ZNF93: variants seen among roughly 807,000 people sequenced by gnomAD.
The protein encoded by ZNF93 is zinc finger protein 93, also known as zinc finger protein 505.
A neutral mutation model predicts 45.0 loss-of-function variants in ZNF93; 29 were observed. The ratio of observed to expected loss-of-function variants is 0.64; its 90% CI spans 0.48 to 0.88. The LOEUF (loss-of-function observed/expected upper bound fraction) is 0.88. Among genes scored for constraint, ZNF93 ranks in the 40% least tolerant of loss-of-function variants. The probability of loss-of-function intolerance (pLI) is 0.00; values close to 1 mark genes in which losing one functional copy is unlikely to be tolerated. For synonymous variants in ZNF93, 223 were observed against 244.6 expected (o/e 0.91, Z 0.82); for missense variants, 578 against 724.0 (o/e 0.80, Z 2.31).
At chr19:19,930,688 CTG>C (rs1168146812) in intron 3 of ZNF93, among the ~76,000 whole-genome samples, 4 of 152,276 alleles carry the variant, frequency 2.6e-5, no homozygotes, top group Non-Finnish European at 5.9e-5. Context: ...GCTCCTATCT[CTG>C]TATGGCCTGG....
chr19:19,909,433 T>C (rs2063301691), intron 1 of ZNF93: 1 of 152,266 alleles, frequency 6.6e-6, no homozygotes, highest in Non-Finnish European at 1.5e-5. Context: ...ACTCCTGTTA[T>C]GAAGATGTGA....
chr19:19,929,785 A>C (rs984769982), intron 3 of ZNF93, among the ~76,000 whole-genome samples: 24 of 151,304 alleles, frequency 1.6e-4, no homozygotes, highest in East Asian at 3.9e-4. Flanking sequence ...AAAAATACAA[A>C]AAATTAGCCG....
chr19:19,908,484 C>T (rs2122164300), intron 1 of ZNF93: 1 of 152,230 alleles, frequency 6.6e-6, no homozygotes, highest in East Asian at 1.9e-4. Flanking sequence ...TATTTTCTGG[C>T]TGATGATCAA....
intron 1 of ZNF93, 81 bp downstream of exon 1, chr19:19,901,172 G>C: frequency 6.3e-7 from 1 of 1,599,282 alleles, no homozygotes; most frequent in Non-Finnish European, 8.6e-7. Context: ...CGGGACTCAG[G>C]TATCCCCTTA....
chr19:19,919,264 G>C (rs1313154792), intron 3 of ZNF93, among the ~76,000 whole-genome samples: 1 of 152,154 alleles, frequency 6.6e-6, no homozygotes, highest in African/African-American at 2.4e-5. Flanking sequence ...GATAGTTGTA[G>C]ATGTGTGGCA....
At position 19,934,619 on chromosome 19, in the gene ZNF93, A is replaced by G. The variant is rs1568515125; in HGVS notation, c.1664A>G (p.His555Arg). Residue 555 changes from histidine to arginine, a missense_variant, in exon 4 of 4, where the codon CAT becomes CGT. Coordinates refer to ENST00000343769, the MANE Select transcript of ZNF93 (RefSeq NM_031218.4). ...CACCTATCCACACACCTTACTACAC[A>G]TAAGATACTTCATACTGGAGAGAAA... ...AFHLSTHLTT[H>R]KILHTGEKPY... The G allele has an allele frequency of 1.2e-6, 2 of 1,613,932 alleles. No individual in the cohort carries two copies. Among genetic ancestry groups the G allele is most frequent in the East Asian group, 2.2e-5 (1 of 44,878 alleles).
chr19:19,912,438 G>A (rs547366324), intron 1 of ZNF93, among the ~76,000 whole-genome samples: 15 of 151,942 alleles, frequency 9.9e-5, no homozygotes, highest in South Asian at 4.2e-4. Context: ...TTCTAGAGCT[G>A]GTGCTCACAA....
intron 1 of ZNF93, among the ~76,000 whole-genome samples, chr19:19,902,319 C>T (rs865799198): frequency 6.6e-6 from 1 of 151,772 alleles, no homozygotes; most frequent in Non-Finnish European, 1.5e-5. Context: ...AGTACAGTGG[C>T]GCAATCATGG....
intron 1 of ZNF93, 35 bp from the exon 2 acceptor site, chr19:19,915,240 CCATGG>C: frequency 6.2e-7 from 1 of 1,612,236 alleles, no homozygotes. Context: ...AAAATTCCAC[CCATGG>C]CCACTTGGTG....
rs756097324 is a variant in ZNF93 at position 19,933,522 on chromosome 19, A to T, written c.567A>T (p.Ile189=). ...CTTTTAACCAGTTCTCAACCCTTAT[A>T]ACACATAAGAAAATTCATACTGGAG... is the stretch of plus-strand genomic sequence containing the variant. ...GKAFNQFSTL[I]THKKIHTGEK... is the part of the protein sequence containing the mutation. The change falls in exon 4 of 4, where the codon ATA becomes ATT. Residue 189 remains isoleucine (I), a synonymous_variant. Coordinates refer to ENST00000343769, the MANE Select transcript of ZNF93 (RefSeq NM_031218.4). 6.2e-7 allele frequency: 1 copy of T among 1,606,358 alleles called. No homozygotes were observed. Among genetic ancestry groups the T allele is most frequent in the African/African-American group, 1.3e-5 (1 of 74,350 alleles).
intron 3 of ZNF93, among the ~76,000 whole-genome samples, chr19:19,922,589 T>A (rs1255087653): frequency 5.9e-5 from 9 of 152,330 alleles, no homozygotes; most frequent in African/African-American, 9.6e-5. Flanking sequence ...CAGATGTAGA[T>A]TTGGTCTTTT....
At chr19:19,923,391 C>G (rs1429019061) in intron 3 of ZNF93, among the ~76,000 whole-genome samples, 1 of 152,170 alleles carries the variant, frequency 6.6e-6, no homozygotes, top group African/African-American at 2.4e-5. Context: ...GGTCAGGGAC[C>G]CACTTGAATA....
At position 19,916,975 on chromosome 19, in the gene ZNF93, C is replaced by A. The variant is rs192900441; in HGVS notation, c.226+320C>A. Among the ~76,000 whole-genome samples, 514 of 152,104 alleles carry A rather than the reference C, an allele frequency of 3.4e-3. 1 individual carries two copies. Among genetic ancestry groups the A allele is most frequent in the Middle Eastern group, 0.01 (3 of 294 alleles). On this transcript the variant is annotated intron_variant, in intron 3 of 3. Transcript: ENST00000343769. ...CTGCTTTTCCATTCTTTTGGGGACA[C>A]AAAAATATTTGCATGATTTTGAAAA... is the stretch of plus-strand genomic sequence containing the variant.
chr19:19,903,412 G>A (rs2063282339), intron 1 of ZNF93, among the ~76,000 whole-genome samples: 2 of 152,146 alleles, frequency 1.3e-5, no homozygotes, highest in Non-Finnish European at 2.9e-5. Flanking sequence ...GAGGAAGGGA[G>A]ATAAACCTAA....
chr19:19,918,253 A>C (rs1242396863), intron 3 of ZNF93, among the ~76,000 whole-genome samples: 1 of 152,106 alleles, frequency 6.6e-6, no homozygotes, highest in Non-Finnish European at 1.5e-5. Context: ...TTCCAGCTTC[A>C]TCCATGTCCC....
chr19:19,933,283 A>C lies in ZNF93; in HGVS notation c.328A>C (p.Asn110His), dbSNP rs770871480. 3.1e-6 allele frequency: 5 copies of C among 1,612,208 alleles called. No homozygotes were observed. In the East Asian group the frequency reaches 1.1e-4, roughly 36 times the overall value. ...AAGATATGAAAAACGTGGACATGGA[A>C]ATTTACAGTTAATAAAAAGGTGTGA... ...LRRYEKRGHG[N>H]LQLIKRCESV... The change falls in exon 4 of 4, where the codon AAT (asparagine) becomes CAT (histidine). Residue 110 changes from asparagine (N) to histidine (H), a missense_variant. Asn to His is a moderately conservative substitution (Grantham distance 68, BLOSUM62 1). Coordinates refer to ENST00000343769, the MANE Select transcript of ZNF93 (RefSeq NM_031218.4).
intron 3 of ZNF93, among the ~76,000 whole-genome samples, chr19:19,931,064 G>A (rs2063372660): frequency 6.6e-6 from 1 of 151,288 alleles, no homozygotes; most frequent in Non-Finnish European, 1.5e-5. Flanking sequence ...TAATGCTAAA[G>A]TAAGTCCCTT....
intron 1 of ZNF93, among the ~76,000 whole-genome samples, chr19:19,913,154 A>T (rs2063314353): frequency 6.6e-6 from 1 of 152,246 alleles, no homozygotes; most frequent in African/African-American, 2.4e-5. Flanking sequence ...GGACTTGTTT[A>T]AAACACTCAT....
intron 2 of ZNF93, among the ~76,000 whole-genome samples, chr19:19,916,218 T>C (rs1186067701): frequency 1.3e-5 from 2 of 151,834 alleles, no homozygotes; most frequent in East Asian, 3.9e-4. Context: ...AGGCATGCAT[T>C]ACCATGCTCT....
Sources: allele counts gnomAD v4.1 joint callset (sites outside exome capture counted in the v4.1 genomes callset), GRCh38; gene constraint gnomAD v4.1.1; transcripts MANE v1.5; gene names NCBI Gene and HGNC (gene_info 2026-07-23, HGNC 2026-07-21).